NSMCE2: variants seen among roughly 807,000 people sequenced by gnomAD.
NSMCE2 encodes the protein E3 SUMO-protein ligase NSE2.
In NSMCE2, 24 loss-of-function variants were observed where a neutral mutation model predicts 23.8. The ratio of observed to expected loss-of-function variants is 1.01; its 90% CI spans 0.73 to 1.42. The LOEUF is 1.42. NSMCE2 is among the 40% of genes most tolerant of loss of function. NSMCE2 has a pLI of 0.00. For missense variants in NSMCE2, 284 were observed against 296.5 expected (o/e 0.96, Z 0.31); for synonymous variants, 92 against 94.1 (o/e 0.98, Z 0.13).
intron 3 of NSMCE2, among the ~76,000 whole-genome samples, chr8:125,131,267 C>A (rs1423828720): frequency 6.6e-6 from 1 of 152,108 alleles, no homozygotes; most frequent in Non-Finnish European, 1.5e-5. Context: ...TATATACGTA[C>A]TTGGAAAATA....
chr8:125,093,560 G>A (rs71516763), intron 1 of NSMCE2, among the ~76,000 whole-genome samples: 11,349 of 151,476 alleles, frequency 0.075, 508 homozygotes, highest in South Asian at 0.15. Context: ...AAATAAATAA[G>A]TAAATAAATA....
intron 7 of NSMCE2, 26 bp downstream of exon 7, chr8:125,357,844 G>T: frequency 6.8e-7 from 1 of 1,470,622 alleles, no homozygotes; most frequent in Non-Finnish European, 9.5e-7. Flanking sequence ...GAAGGAAGTG[G>T]AGCCTTCCCT....
Position 125,249,510 on chromosome 8 carries a change from T to A in NSMCE2, c.418+67254T>A, listed in dbSNP as rs1826121709. 2.0e-5 allele frequency among the ~76,000 whole-genome samples: 3 copies of A among 152,144 alleles called. No homozygotes were observed. In the South Asian group the frequency reaches 6.2e-4, roughly 32 times the overall value. ...CTTCCAGAAAATCACTTTGAAAAAA[T>A]TTTGGGCAAAACATTTCTCTATTTA... On this transcript the variant is annotated intron_variant, in intron 5 of 7. Transcript: ENST00000287437.
At chr8:125,213,957 T>C (rs1291157871) in intron 5 of NSMCE2, among the ~76,000 whole-genome samples, 2 of 152,222 alleles carry the variant, frequency 1.3e-5, no homozygotes, top group Non-Finnish European at 2.9e-5. Context: ...TTGTAATTCT[T>C]ACTTTATATC....
intron 5 of NSMCE2, among the ~76,000 whole-genome samples, chr8:125,307,554 G>A (rs989679240): frequency 6.6e-6 from 1 of 152,204 alleles, no homozygotes; most frequent in Non-Finnish European, 1.5e-5. Flanking sequence ...ACCTTGTTGT[G>A]AAGCCACTGA....
intron 5 of NSMCE2, among the ~76,000 whole-genome samples, chr8:125,310,449 T>A (rs1481981242): frequency 6.6e-6 from 1 of 152,248 alleles, no homozygotes; most frequent in Non-Finnish European, 1.5e-5. Context: ...CAATCAATTG[T>A]AGCTATTGCA....
At chr8:125,287,433 T>C (rs765002799) in intron 5 of NSMCE2, among the ~76,000 whole-genome samples, 5 of 152,236 alleles carry the variant, frequency 3.3e-5, no homozygotes, top group Non-Finnish European at 7.3e-5. Flanking sequence ...CTACTGTTCC[T>C]TTCCACAGAT....
chr8:125,329,420 C>G, intron 5 of NSMCE2, among the ~76,000 whole-genome samples: 1 of 152,104 alleles, frequency 6.6e-6, no homozygotes. Context: ...TTTTTGATAT[C>G]CTGTTTCCTT....
intron 5 of NSMCE2, among the ~76,000 whole-genome samples, chr8:125,354,574 G>A (rs369523582): frequency 7.9e-5 from 12 of 152,256 alleles, no homozygotes; most frequent in East Asian, 1.9e-4. Flanking sequence ...TGGAAGCCCC[G>A]AGGCACTGCA....
intron 5 of NSMCE2, among the ~76,000 whole-genome samples, chr8:125,203,093 T>C (rs964789595): frequency 7.2e-5 from 11 of 152,114 alleles, no homozygotes; most frequent in Non-Finnish European, 1.5e-4. Context: ...ATGTACTCTG[T>C]GGGCCTTTAA....
At chr8:125,323,394 C>T (rs190426311) in intron 5 of NSMCE2, among the ~76,000 whole-genome samples, 7 of 152,260 alleles carry the variant, frequency 4.6e-5, no homozygotes, top group African/African-American at 1.7e-4. Flanking sequence ...TTCTACCTGA[C>T]TTCAAGACTT....
rs112894939 is a variant in NSMCE2 at position 125,218,237 on chromosome 8, T to C, written c.418+35981T>C. Among the ~76,000 whole-genome samples, 755 of 152,290 alleles carry C rather than the reference T, an allele frequency of 5.0e-3. 12 individuals carry two copies. Among genetic ancestry groups the C allele is most frequent in the African/African-American group, 0.017 (716 of 41,562 alleles). Reference sequence around the variant, plus strand: ...TTACTGACCAAAATACTAACCACCATGTCTACTGTAGCTTAGATTATTCTA... The same window carrying C: ...TTACTGACCAAAATACTAACCACCACGTCTACTGTAGCTTAGATTATTCTA... On this transcript the variant is annotated intron_variant, in intron 5 of 7. Transcript: ENST00000287437.
intron 5 of NSMCE2, among the ~76,000 whole-genome samples, chr8:125,227,984 A>T (rs1330635899): frequency 6.6e-6 from 1 of 152,182 alleles, no homozygotes; most frequent in Non-Finnish European, 1.5e-5. Context: ...TCTTTGAATC[A>T]TTACCCTCTA....
At chr8:125,098,854 T>C (rs1261107454) in intron 1 of NSMCE2, among the ~76,000 whole-genome samples, 1 of 152,124 alleles carries the variant, frequency 6.6e-6, no homozygotes, top group East Asian at 1.9e-4. Flanking sequence ...TTTTAAGTTC[T>C]GGAGTGATCT....
At chr8:125,328,760 G>A (rs997246494) in intron 5 of NSMCE2, among the ~76,000 whole-genome samples, 8 of 152,086 alleles carry the variant, frequency 5.3e-5, no homozygotes, top group African/African-American at 1.2e-4. Flanking sequence ...TGTCATCTGG[G>A]TCTCCACTTT....
rs939987302 is a variant in NSMCE2, at chr8:125,158,882, A to G, written c.264+7605A>G. On this transcript the variant is annotated intron_variant, in intron 4 of 7. Coordinates refer to ENST00000287437, the MANE Select transcript of NSMCE2 (RefSeq NM_173685.4). ...ATCAGTAAATGTTAAAATTCAGTGT[A>G]AAATGAATGCATTTTTCAGCGTGGA... 4.6e-5 allele frequency among the ~76,000 whole-genome samples: 7 copies of G among 152,240 alleles called. No homozygotes were observed. The East Asian group carries it at 9.6e-4, about 21-fold the overall frequency.
At chr8:125,180,824 T>C (rs1443306879) in intron 4 of NSMCE2, among the ~76,000 whole-genome samples, 1 of 152,196 alleles carries the variant, frequency 6.6e-6, no homozygotes, top group Non-Finnish European at 1.5e-5. Flanking sequence ...TGGCTTTTAG[T>C]GGGTAGGTAT....
At chr8:125,349,026 C>T (rs1037726246) in intron 5 of NSMCE2, 5 of 146,760 alleles carry the variant, frequency 3.4e-5, no homozygotes, top group African/African-American at 1.3e-4. Flanking sequence ...CACACACACA[C>T]ACACACACAC....
intron 5 of NSMCE2, among the ~76,000 whole-genome samples, chr8:125,225,603 A>C (rs1825058872): frequency 6.6e-6 from 1 of 152,170 alleles, no homozygotes; most frequent in Admixed American, 6.5e-5. Context: ...CTCCAGGGAG[A>C]TTCCCAATAG....
Sources: gnomAD v4.1 joint callset for allele counts (sites outside exome capture counted in the v4.1 genomes callset) on GRCh38, gnomAD v4.1.1 for gene constraint, MANE v1.5 for transcripts, NCBI Gene and HGNC (gene_info 2026-07-23, HGNC 2026-07-21) for gene names.